Variants in TENM2 observed in about 807,000 individuals in gnomAD.
TENM2 encodes teneurin-2.
In TENM2, 52 loss-of-function variants were observed where a neutral mutation model predicts 245.2. That is an observed-to-expected ratio of 0.21 (90% confidence interval 0.17 to 0.27). The LOEUF (loss-of-function observed/expected upper bound fraction) is 0.27. Among genes scored for constraint, TENM2 ranks in the 10% least tolerant of loss-of-function variants. TENM2 has a pLI of 1.00. For synonymous variants in TENM2, 1,363 were observed against 1,438.9 expected (o/e 0.95, Z 1.19); for missense variants, 3,046 against 3,666.8 (o/e 0.83, Z 4.37).
chr5:167,270,188 C>A, the TENM2 span, among the ~76,000 whole-genome samples: 1 of 152,088 alleles, frequency 6.6e-6, no homozygotes, highest in Non-Finnish European at 1.5e-5. Flanking sequence ...TGTTTCTATG[C>A]TAAGAAAGTG....
chr5:167,364,832 T>A (rs1225278880), intron 1 of TENM2, among the ~76,000 whole-genome samples: 1 of 151,378 alleles, frequency 6.6e-6, no homozygotes, highest in East Asian at 1.9e-4. Context: ...CAAAGCAAAA[T>A]TAACAAAAAT....
upstream of TENM2, among the ~76,000 whole-genome samples, chr5:167,283,051 C>CT (rs995816584): frequency 2.0e-3 from 291 of 148,140 alleles, 2 homozygotes; most frequent in African/African-American, 6.8e-3. Context: ...CCCTCTTTTT[C>CT]TTTTTTTTTT....
intron 2 of TENM2, among the ~76,000 whole-genome samples, chr5:167,625,132 T>G (rs1778415638): frequency 6.6e-6 from 1 of 152,140 alleles, no homozygotes; most frequent in Non-Finnish European, 1.5e-5. Context: ...TGTTTAGACT[T>G]TGAGGGCTCA....
chr5:167,016,582 T>A, the TENM2 span, among the ~76,000 whole-genome samples: 1 of 152,196 alleles, frequency 6.6e-6, no homozygotes, highest in East Asian at 1.9e-4. Flanking sequence ...AAATGTGATA[T>A]CTACATAAAA....
chr5:167,479,980 A>G (rs1161993894), intron 2 of TENM2, among the ~76,000 whole-genome samples: 2 of 152,182 alleles, frequency 1.3e-5, no homozygotes, highest in Non-Finnish European at 2.9e-5. Flanking sequence ...CCGTCTGGGA[A>G]TGGTCCAGGA....
intron 2 of TENM2, among the ~76,000 whole-genome samples, chr5:167,644,083 C>T (rs182367763): frequency 7.8e-4 from 119 of 152,148 alleles, no homozygotes; most frequent in Middle Eastern, 3.4e-3. Context: ...CCACCTGGAT[C>T]CATTTATTTT....
At chr5:167,650,141 A>G (rs1018953086) in intron 2 of TENM2, among the ~76,000 whole-genome samples, 3 of 152,200 alleles carry the variant, frequency 2.0e-5, no homozygotes, top group Non-Finnish European at 2.9e-5. Flanking sequence ...CTTTTTCCAT[A>G]AAATAAGCTG....
intron 12 of TENM2, among the ~76,000 whole-genome samples, chr5:168,131,033 G>C (rs1442471901): frequency 1.3e-5 from 2 of 152,156 alleles, no homozygotes; most frequent in African/African-American, 4.8e-5. Flanking sequence ...CTCATGAAGA[G>C]GTAAAGTAGA....
At chr5:167,167,567 C>A in the TENM2 span, among the ~76,000 whole-genome samples, 1 of 152,186 alleles carries the variant, frequency 6.6e-6, no homozygotes, top group Non-Finnish European at 1.5e-5. Context: ...TTTTTCACAA[C>A]TCTCATTAAA....
At chr5:167,251,437 ATGC>A in the TENM2 span, among the ~76,000 whole-genome samples, 1 of 152,190 alleles carries the variant, frequency 6.6e-6, no homozygotes, top group African/African-American at 2.4e-5. Context: ...TATATCTATT[ATGC>A]TTTTAGATAA....
intron 2 of TENM2, among the ~76,000 whole-genome samples, chr5:167,776,599 A>AAAAAAAAAAAAAAAAC (rs1763804113): frequency 1.2e-5 from 1 of 83,928 alleles, no homozygotes. Flanking sequence ...GTCTGAAAAA[A>AAAAAAAAAAAAAAAAC]AAAAAAAAAA....
chr5:167,796,711 T>C (rs1363913249), intron 2 of TENM2, among the ~76,000 whole-genome samples: 1 of 152,138 alleles, frequency 6.6e-6, no homozygotes, highest in African/African-American at 2.4e-5. Context: ...GGATGCCATA[T>C]CTTCTTCGTA....
chr5:168,245,639 T>C (rs906970213), intron 26 of TENM2, among the ~76,000 whole-genome samples: 3 of 151,480 alleles, frequency 2.0e-5, no homozygotes, highest in Non-Finnish European at 2.9e-5. Context: ...CCTGGCCATG[T>C]AGTCATTAGA....
At chr5:167,774,809 T>A (rs1427070551) in intron 2 of TENM2, among the ~76,000 whole-genome samples, 1 of 152,172 alleles carries the variant, frequency 6.6e-6, no homozygotes, top group Non-Finnish European at 1.5e-5. Context: ...TGAGTCCCCA[T>A]GCCCATGGGT....
chr5:167,468,125 C>G (rs1312444408), intron 2 of TENM2, among the ~76,000 whole-genome samples: 1 of 152,030 alleles, frequency 6.6e-6, no homozygotes, highest in African/African-American at 2.4e-5. Context: ...TTAGTAGAGA[C>G]GGGGTTTCAC....
At chr5:167,894,795 T>G (rs1775040648) in intron 3 of TENM2, among the ~76,000 whole-genome samples, 1 of 152,146 alleles carries the variant, frequency 6.6e-6, no homozygotes, top group Non-Finnish European at 1.5e-5. Context: ...GAGGTTTTTC[T>G]TCTTCCCAAA....
chr5:167,970,117 T>C (rs1781667035), intron 4 of TENM2, among the ~76,000 whole-genome samples: 2 of 152,174 alleles, frequency 1.3e-5, no homozygotes, highest in African/African-American at 4.8e-5. Flanking sequence ...GGTGGGGAAA[T>C]TGCAGGACAT....
At chr5:167,691,644 G>A (rs2150406829) in intron 2 of TENM2, among the ~76,000 whole-genome samples, 1 of 152,242 alleles carries the variant, frequency 6.6e-6, no homozygotes, top group South Asian at 2.1e-4. Context: ...ATTCCTTGAT[G>A]GTATTTTAGA....
intron 2 of TENM2, among the ~76,000 whole-genome samples, chr5:167,619,000 G>A (rs1418096680): frequency 1.3e-5 from 2 of 151,994 alleles, no homozygotes; most frequent in Non-Finnish European, 2.9e-5. Flanking sequence ...TGTCACTGAG[G>A]CAAACTGGGG....
Sources: gnomAD v4.1 joint callset for allele counts (sites outside exome capture counted in the v4.1 genomes callset) on GRCh38, gnomAD v4.1.1 for gene constraint, MANE v1.5 for transcripts, NCBI Gene and HGNC (gene_info 2026-07-23, HGNC 2026-07-21) for gene names.